The following FHIP1B variants were observed in gnomAD, a reference collection of about 807,000 sequenced individuals.
FHIP1B encodes the protein FHF complex subunit HOOK interacting protein 1B, also known as FHF complex subunit HOOK-interacting protein 1B.
Under a neutral mutation model 82.2 loss-of-function variants are expected in FHIP1B, and 28 were observed. The observed-to-expected ratio is 0.34, with a 90% CI of 0.25 to 0.47. The LOEUF is 0.47. FHIP1B is among the 20% of genes least tolerant of loss of function. The probability of loss-of-function intolerance (pLI) is 1.00; values close to 1 mark genes in which losing one functional copy is unlikely to be tolerated. For synonymous variants in FHIP1B, 585 were observed against 516.1 expected (o/e 1.13, Z -1.81); for missense variants, 1,110 against 1,262.6 (o/e 0.88, Z 1.83).
intron 11 of FHIP1B, chr11:6,212,101 A>G (rs557274220): frequency 2.9e-6 from 1 of 344,632 alleles, no homozygotes; most frequent in South Asian, 1.2e-4. Flanking sequence ...AACACCAAAA[A>G]TACTGCCTGC....
At chr11:6,212,858 T>C (rs947311922) in intron 11 of FHIP1B, among the ~76,000 whole-genome samples, 1 of 152,204 alleles carries the variant, frequency 6.6e-6, no homozygotes, top group East Asian at 1.9e-4. Flanking sequence ...TTCAGGCACT[T>C]TTCATGCGCC....
intron 5 of FHIP1B, 89 bp from the exon 6 acceptor site, chr11:6,222,698 C>G (rs546839022): frequency 1.3e-6 from 2 of 1,562,886 alleles, no homozygotes; most frequent in Non-Finnish European, 8.8e-7. Flanking sequence ...AAATCAGGAG[C>G]AGACAGGGCA....
chr11:6,227,434 T>C (rs764843665), intron 1 of FHIP1B, among the ~76,000 whole-genome samples: 15 of 152,196 alleles, frequency 9.9e-5, no homozygotes, highest in Non-Finnish European at 1.8e-4. Flanking sequence ...AAATGGGGGA[T>C]GAGAGAAGAC....
In FHIP1B at chr11:6,223,961, G is replaced by T. The variant is rs549205203; in HGVS notation, c.426C>A (p.Arg142=). 1 of 1,614,156 alleles carries T rather than the reference G, an allele frequency of 6.2e-7. No individual in the cohort carries two copies. Among genetic ancestry groups the T allele is most frequent in the African/African-American group, 1.3e-5 (1 of 75,060 alleles). The part of the protein sequence containing the change: ...KLFEMLVSEA[R]QPLLRHGPVR... Reference sequence around the variant, plus strand: ...CTGGACCATGCCGCAACAGTGGCTGGCGAGCTTCGCTCACTAGCATTTCAA... The same window carrying T: ...CTGGACCATGCCGCAACAGTGGCTGTCGAGCTTCGCTCACTAGCATTTCAA... Residue 142 remains arginine, a synonymous_variant, in exon 3 of 12, where the codon CGC becomes CGA. Coordinates refer to ENST00000449352, the MANE Select transcript of FHIP1B (RefSeq NM_001098794.2). The surrounding 1 kb of genome is among the most constrained non-coding windows in gnomAD (Gnocchi z 4.8).
In FHIP1B at chr11:6,224,382, G is replaced by C. The variant is rs1311656438; in HGVS notation, c.135C>G (p.Ser45=). The C allele has an allele frequency of 6.2e-7, 1 of 1,614,230 alleles. No homozygotes were observed. Among genetic ancestry groups the C allele is most frequent in the African/African-American group, 1.3e-5 (1 of 75,056 alleles). The change falls in exon 2 of 12, where the codon TCC becomes TCG. Residue 45 remains serine (S), a synonymous_variant. Transcript: ENST00000449352. ...CCTTTGCCATACAGTCTCCTACCTG[G>C]GACCAGTGATTCTTGAAGACCATGA... ...TCLMVFKNHW[S]QVVRILERQG...
In FHIP1B at chr11:6,223,769, G is replaced by A. The variant is rs137886381; in HGVS notation, c.618C>T (p.Ala206=). The A allele has an allele frequency of 2.9e-4, 468 of 1,614,212 alleles. 1 individual carries two copies. The African/African-American group carries it at 2.9e-3, about 10-fold the overall frequency. Residue 206 remains alanine, a synonymous_variant, in exon 3 of 12, where the codon GCC becomes GCT. Transcript: ENST00000449352. This position sits in a 1 kb window ranked among gnomAD's most constrained non-coding sequence, Gnocchi z 4.8. ...FFLQPPPEPG[A]APRLLLFSRL... ...GAGAAAAGAGAAGAAGACGGGGAGC[G>A]GCTCCAGGCTCAGGAGGTGGCTGCA...
chr11:6,213,805 A>C (rs2076728546), intron 11 of FHIP1B, among the ~76,000 whole-genome samples: 1 of 152,088 alleles, frequency 6.6e-6, no homozygotes, highest in Non-Finnish European at 1.5e-5. Context: ...TTATAGCAGA[A>C]GCCTCCTGAT....
At chr11:6,220,184 A>G (rs548393591) in intron 6 of FHIP1B, among the ~76,000 whole-genome samples, 1 of 152,296 alleles carries the variant, frequency 6.6e-6, no homozygotes, top group African/African-American at 2.4e-5. Flanking sequence ...TCTATTATCT[A>G]TGGATGAAGG....
Position 6,211,924 on chromosome 11 carries a change from T to TG in FHIP1B, c.2558-58dup. On this transcript the variant is annotated intron_variant, in intron 11 of 11. Coordinates refer to ENST00000449352, the MANE Select transcript of FHIP1B (RefSeq NM_001098794.2). ...TGGGATCAGGGAACCTCCCTTGGAC[T>TG]GAGAGGGGAGATTCCCCCACCCCCT... 3 of 1,484,362 alleles carry TG rather than the reference T, an allele frequency of 2.0e-6. No homozygotes were observed. In the South Asian group the frequency reaches 4.2e-5, roughly 21 times the overall value. 91.9% of individuals were successfully genotyped at this position (1,484,362 alleles called of 1,614,324 possible).
In FHIP1B at chr11:6,223,649, A is replaced by G. The variant is rs761268117; in HGVS notation, c.738T>C (p.Thr246=). Residue 246 remains threonine (T), a synonymous_variant, in exon 3 of 12, where the codon ACT becomes ACC. Coordinates refer to ENST00000449352, the MANE Select transcript of FHIP1B (RefSeq NM_001098794.2). This position sits in a 1 kb window ranked among gnomAD's most constrained non-coding sequence, Gnocchi z 4.8. ...LLMALSAGSP[T]VGRYIADHSY... ...AGTGATCCGCGATGTAGCGGCCCAC[A>G]GTGGGGCTCCCAGCTGACAAAGCCA... is the stretch of plus-strand genomic sequence containing the variant. The G allele has an allele frequency of 6.2e-7, 1 of 1,610,214 alleles. No homozygotes were observed. The highest frequency in any genetic ancestry group is 1.1e-5 in the South Asian group (1 of 90,770).
At chr11:6,228,951 A>T (rs1847631663) in intron 1 of FHIP1B, among the ~76,000 whole-genome samples, 1 of 152,230 alleles carries the variant, frequency 6.6e-6, no homozygotes, top group African/African-American at 2.4e-5. Context: ...TCTTACAGTT[A>T]TTAGCCCTGG....
chr11:6,221,935 A>G lies in FHIP1B; in HGVS notation c.1191+507T>C, dbSNP rs532151610. Among the ~76,000 whole-genome samples the G allele has an allele frequency of 2.6e-5, 4 of 152,216 alleles. No homozygotes were observed. The South Asian group carries it at 6.2e-4, about 24-fold the overall frequency. On this transcript the variant is annotated intron_variant, in intron 6 of 11. Transcript: ENST00000449352. ...ACAGTATGGCACACAGTGAACATTC[A>G]GTAAAAATGTTTAGGAGGAAGGACC...
Position 6,224,434 on chromosome 11 carries a change from G to A in FHIP1B, c.83C>T (p.Pro28Leu). 6.2e-7 allele frequency: 1 copy of A among 1,614,146 alleles called. No individual in the cohort carries two copies. Among genetic ancestry groups the A allele is most frequent in the Non-Finnish European group, 8.5e-7 (1 of 1,180,028 alleles). ...RIPQGANLQTPVMADPETCLM... is the reference protein window; with the variant it reads ...RIPQGANLQTLVMADPETCLM... ...GCAGGTCTCGGGATCAGCCATGACT[G>A]GGGTTTGGAGATTGGCCCCTTGAGG... Residue 28 changes from proline (P) to leucine (L), a missense_variant, in exon 2 of 12, where the codon CCA becomes CTA. Physicochemically the swap from Pro to Leu is moderately conservative, Grantham distance 98. This residue lies in a region of FHIP1B where 467 missense variants were observed against 602.9 expected (regional missense o/e 0.77). Transcript: ENST00000449352.
chr11:6,214,319 CACA>C, intron 11 of FHIP1B, 89 bp downstream of exon 11: 1 of 1,424,944 alleles, frequency 7.0e-7, no homozygotes, highest in Non-Finnish European at 9.5e-7. Context: ...TAGGTCCTGG[CACA>C]ACATTTCACT....
chr11:6,223,350 A>G lies in FHIP1B; in HGVS notation c.778-112T>C. 8.3e-7 allele frequency: 1 copy of G among 1,199,542 alleles called. No homozygotes were observed. Among genetic ancestry groups the G allele is most frequent in the Non-Finnish European group, 1.2e-6 (1 of 861,752 alleles). 74.3% of individuals were successfully genotyped at this position (1,199,542 alleles called of 1,614,324 possible). A position where few individuals can be genotyped will look rare whatever the true frequency, so the allele number is the denominator to read the frequency against. On this transcript the variant is annotated intron_variant, in intron 3 of 11. Transcript: ENST00000449352. The surrounding 1 kb of genome is among the most constrained non-coding windows in gnomAD (Gnocchi z 4.8). ...GATGGGAATAGGGGTATAAGCTATT[A>G]CCAAAGCAAGCATTTGCCTACCCAA...
Position 6,223,046 on chromosome 11 carries a change from C to G in FHIP1B, c.936+34G>C, listed in dbSNP as rs1418977309. On this transcript the variant is annotated intron_variant, in intron 4 of 11. Coordinates refer to ENST00000449352, the MANE Select transcript of FHIP1B (RefSeq NM_001098794.2). This position sits in a 1 kb window ranked among gnomAD's most constrained non-coding sequence, Gnocchi z 4.8. ...ATATACCCCCTCCTACCTAATCTCCCAAAAATGACCAAGGGCCAGACTTTC... is the reference window on the plus strand; with the variant it reads ...ATATACCCCCTCCTACCTAATCTCCGAAAAATGACCAAGGGCCAGACTTTC... 6.4e-7 allele frequency: 1 copy of G among 1,569,984 alleles called. No homozygotes were observed. Among genetic ancestry groups the G allele is most frequent in the South Asian group, 1.2e-5 (1 of 84,702 alleles).
intron 9 of FHIP1B, 86 bp from the exon 10 acceptor site, chr11:6,214,997 C>A: frequency 7.8e-7 from 1 of 1,277,738 alleles, no homozygotes. Context: ...CAAGAGACCC[C>A]CACCAGATGA....
chr11:6,218,316 C>A (rs1847307456), intron 8 of FHIP1B, among the ~76,000 whole-genome samples, 166 bp from the exon 9 acceptor site: 1 of 152,148 alleles, frequency 6.6e-6, no homozygotes, highest in African/African-American at 2.4e-5. Flanking sequence ...TCATCCACCA[C>A]CCCCACTCAC....
chr11:6,222,490 G>T lies in FHIP1B; in HGVS notation c.1143C>A (p.Thr381=), dbSNP rs1847438665. The T allele has an allele frequency of 6.2e-7, 1 of 1,613,930 alleles. No individual in the cohort carries two copies. The highest frequency in any genetic ancestry group is 8.5e-7 in the Non-Finnish European group (1 of 1,180,028). Residue 381 remains threonine, a synonymous_variant, in exon 6 of 12, where the codon ACC becomes ACA. Coordinates refer to ENST00000449352, the MANE Select transcript of FHIP1B (RefSeq NM_001098794.2). ...LRFLLLHRHD[T]HTILDTLVAR... ...CAACGAGGGTGTCGAGGATGGTGTG[G>T]GTGTCATGCCGGTGCAACAACAGGA...
Sources: allele counts gnomAD v4.1 joint callset (sites outside exome capture counted in the v4.1 genomes callset), GRCh38; gene constraint gnomAD v4.1.1; regional missense constraint gnomAD v4.1.1; non-coding constraint Gnocchi (gnomAD v3.1); transcripts MANE v1.5; gene names NCBI Gene and HGNC (gene_info 2026-07-23, HGNC 2026-07-21).